Variants in DUOX1 observed in about 807,000 individuals in gnomAD.
DUOX1 encodes the protein NADPH thyroid oxidase 1.
A neutral mutation model predicts 181.8 loss-of-function variants in DUOX1; 134 were observed. The observed-to-expected ratio is 0.74, with a 90% confidence interval of 0.64 to 0.85. The LOEUF is 0.85. Ranked by LOEUF, DUOX1 falls within the 40% of genes least tolerant of loss-of-function variation. The pLI, the probability that DUOX1 is intolerant of heterozygous loss-of-function variation, is 0.00. For missense variants in DUOX1, 1,814 were observed against 2,064.4 expected (o/e 0.88, Z 2.35); for synonymous variants, 798 against 832.5 (o/e 0.96, Z 0.71).
At position 45,134,245 on chromosome 15, in the gene DUOX1, C is replaced by T. The variant is rs1567007120; in HGVS notation, c.243C>T (p.Thr81=). The change falls in exon 4 of 34, where the codon ACC becomes ACT. Residue 81 remains threonine (T), a synonymous_variant. Coordinates refer to ENST00000389037, the MANE Select transcript of DUOX1 (RefSeq NM_175940.3). ...HLPNPRDLSN[T]ISRGPAGLAS... Reference sequence around the variant, plus strand: ...CCAACCCCCGAGACCTTAGCAACACCATCTCAAGGGGCCCTGCAGGGCTGG... The same window carrying T: ...CCAACCCCCGAGACCTTAGCAACACTATCTCAAGGGGCCCTGCAGGGCTGG... 1.9e-6 allele frequency: 3 copies of T among 1,590,728 alleles called. No homozygotes were observed. Among genetic ancestry groups the T allele is most frequent in the South Asian group, 2.3e-5 (2 of 88,374 alleles).
intron 9 of DUOX1, 29 bp downstream of exon 9, chr15:45,136,654 C>T: frequency 4.4e-6 from 7 of 1,608,630 alleles, no homozygotes; most frequent in Non-Finnish European, 6.0e-6. Context: ...GGTGTGTGTG[C>T]TGGGAGGGAT....
rs58522871 is a variant in DUOX1, at chr15:45,158,700, C to CAAA, written c.3703-2110_3703-2108dup. On this transcript the variant is annotated intron_variant, in intron 28 of 33. Coordinates refer to ENST00000389037, the MANE Select transcript of DUOX1 (RefSeq NM_175940.3). Reference sequence around the variant, plus strand: ...CTGGGTGACAGCGAGACTTCCATCTCAAAAAAAAAAAAAAAAAAAAAAAAA... The same window carrying CAAA: ...CTGGGTGACAGCGAGACTTCCATCTCAAAAAAAAAAAAAAAAAAAAAAAAAAAA... Among the ~76,000 whole-genome samples the CAAA allele has an allele frequency of 6.4e-5, 3 of 47,040 alleles. 1 individual carries two copies. Among genetic ancestry groups the CAAA allele is most frequent in the African/African-American group, 3.0e-4 (3 of 9,958 alleles). The allele number at this position is 47,040 out of a possible 152,430, so 30.9% of individuals were successfully genotyped here.
rs1375890484 is a variant in DUOX1 at position 45,141,329 on chromosome 15, A to G, written c.1603A>G (p.Thr535Ala). 6.2e-7 allele frequency: 1 copy of G among 1,614,142 alleles called. No homozygotes were observed. Among genetic ancestry groups the G allele is most frequent in the Admixed American group, 1.7e-5 (1 of 60,012 alleles). ...SKKEIEEIRN[T>A]TLQDVLVAVI... ...GAAGGAGATTGAAGAAATCCGAAAT[A>G]CCACCCTGCAGGACGTGCTGGTCGC... The change falls in exon 14 of 34, where the codon ACC (threonine) becomes GCC (alanine). Residue 535 changes from threonine (T) to alanine (A), a missense_variant. Coordinates refer to ENST00000389037, the MANE Select transcript of DUOX1 (RefSeq NM_175940.3).
chr15:45,148,432 C>A lies in DUOX1; in HGVS notation c.2803C>A (p.Gln935Lys), dbSNP rs914897165. The A allele has an allele frequency of 6.2e-7, 1 of 1,613,036 alleles. No individual in the cohort carries two copies. The highest frequency in any genetic ancestry group is 8.5e-7 in the Non-Finnish European group (1 of 1,179,282). The change falls in exon 21 of 34, where the codon CAG (glutamine) becomes AAG (lysine). Residue 935 changes from glutamine to lysine, a missense_variant. By Grantham distance (53) the Gln-to-Lys change is moderately conservative (BLOSUM62 1). Transcript: ENST00000389037. ...RDHNSELRFT[Q>K]LCVKGVEVPE... ...CCACAATAGCGAGCTCCGCTTCACG[C>A]AGCTCTGTGTCAAAGGTGGGGCAGC...
rs1464882141 is a variant in DUOX1, at chr15:45,148,437, CTG to C, written c.2812_2813del (p.Val938GlnfsTer7). ...ATAGCGAGCTCCGCTTCACGCAGCT[CTG>C]TGTCAAAGGTGGGGCAGCCTGGTAG... ...HNSELRFTQL[C>X]VKGVEVPEVI... is the part of the protein sequence containing the mutation. On this transcript the variant is annotated frameshift_variant, in exon 21 of 34. Transcript: ENST00000389037. LOFTEE classifies it high-confidence loss of function. 1 of 1,612,300 alleles carries C rather than the reference CTG, an allele frequency of 6.2e-7. No homozygotes were observed. Among genetic ancestry groups the C allele is most frequent in the South Asian group, 1.1e-5 (1 of 90,898 alleles).
chr15:45,141,668 G>T (rs1896494767), intron 14 of DUOX1, among the ~76,000 whole-genome samples: 1 of 152,116 alleles, frequency 6.6e-6, no homozygotes, highest in Non-Finnish European at 1.5e-5. Flanking sequence ...TTCACATTCG[G>T]CTGAGATGGA....
chr15:45,142,321 T>C (rs1424005691), intron 15 of DUOX1, among the ~76,000 whole-genome samples: 1 of 152,186 alleles, frequency 6.6e-6, no homozygotes, highest in Non-Finnish European at 1.5e-5. Context: ...CCTGTTTTCC[T>C]GGGACTGCCC....
Position 45,151,815 on chromosome 15 carries a change from G to A in DUOX1, c.3015-59G>A, listed in dbSNP as rs1199927800. The A allele has an allele frequency of 2.6e-6, 4 of 1,548,128 alleles. No homozygotes were observed. In the African/African-American group the frequency reaches 5.5e-5, roughly 21 times the overall value. On this transcript the variant is annotated intron_variant, in intron 23 of 33. Transcript: ENST00000389037. ...GGGCGGCTCACCTCCGTGAAGTGGG[G>A]CCCCACTAGCGTTGGGTCCCATGGT...
Position 45,141,984 on chromosome 15 carries a change from G to A in DUOX1, c.1694G>A (p.Cys565Tyr). The A allele has an allele frequency of 6.2e-7, 1 of 1,611,744 alleles. No individual in the cohort carries two copies. Among genetic ancestry groups the A allele is most frequent in the Non-Finnish European group, 8.5e-7 (1 of 1,179,198 alleles). Reference protein sequence around the residue: ...NVFVWHKGDPCPQPRQLSTEG... With the variant: ...NVFVWHKGDPYPQPRQLSTEG... ...TCCTCTGCCTTCCCAGGAGACCCCTGTCCGCAGCCGAGACAGCTCAGCACT... is the reference window on the plus strand; with the variant it reads ...TCCTCTGCCTTCCCAGGAGACCCCTATCCGCAGCCGAGACAGCTCAGCACT... The change falls in exon 15 of 34, where the codon TGT becomes TAT. Residue 565 changes from cysteine to tyrosine, a missense_variant. Cys to Tyr is a radical substitution (Grantham distance 194, BLOSUM62 -2). Coordinates refer to ENST00000389037, the MANE Select transcript of DUOX1 (RefSeq NM_175940.3).
intron 5 of DUOX1, 82 bp downstream of exon 5, chr15:45,135,373 G>T (rs1216413137): frequency 1.9e-5 from 28 of 1,498,550 alleles, no homozygotes; most frequent in Non-Finnish European, 2.4e-5. Flanking sequence ...GCCTGGAGGG[G>T]AGAGGCGCCC....
chr15:45,140,069 A>C, intron 12 of DUOX1: 1 of 1,371,164 alleles, frequency 7.3e-7, no homozygotes, highest in Non-Finnish European at 9.8e-7. Flanking sequence ...GTGTTCTCAA[A>C]CCAGTAGCGG....
Position 45,145,005 on chromosome 15 carries a change from G to A in DUOX1, c.2247G>A (p.Glu749=). The A allele has an allele frequency of 1.2e-6, 2 of 1,614,182 alleles. No individual in the cohort carries two copies. Among genetic ancestry groups the A allele is most frequent in the Non-Finnish European group, 1.7e-6 (2 of 1,180,018 alleles). ...AGGAGTGGGAGCTGCGGGAGCAGGA[G>A]CTGATGAGAGCAGCTGTGACACGGG... ...SIQEWELREQ[E]LMRAAVTREQ... is the part of the protein sequence containing the mutation. Residue 749 remains glutamate (E), a synonymous_variant, in exon 18 of 34, where the codon GAG becomes GAA. Transcript: ENST00000389037.
At chr15:45,138,457 G>C (rs913925442) in intron 10 of DUOX1, among the ~76,000 whole-genome samples, 1 of 152,200 alleles carries the variant, frequency 6.6e-6, no homozygotes, top group Non-Finnish European at 1.5e-5. Context: ...ATGTGTGAGG[G>C]GGGTGGGGAG....
At chr15:45,148,642 T>C (rs1896724104) in intron 21 of DUOX1, 195 bp downstream of exon 21, 3 of 389,584 alleles carry the variant, frequency 7.7e-6, no homozygotes, top group Non-Finnish European at 1.2e-5. Flanking sequence ...TACAATATAA[T>C]TTTAAAATAT....
intron 33 of DUOX1, among the ~76,000 whole-genome samples, chr15:45,164,249 G>A (rs932046584): frequency 6.6e-6 from 1 of 152,130 alleles, no homozygotes; most frequent in African/African-American, 2.4e-5. Flanking sequence ...TGGACACTGA[G>A]GGAACCTTTA....
chr15:45,135,404 C>T (rs1896275417), intron 5 of DUOX1, 70 bp from the exon 6 acceptor site: 2 of 1,506,752 alleles, frequency 1.3e-6, no homozygotes, highest in Non-Finnish European at 1.8e-6. Context: ...CGCGGACACC[C>T]GCCGGGCCCC....
Position 45,141,292 on chromosome 15 carries a change from G to A in DUOX1, c.1566G>A (p.Gly522=), listed in dbSNP as rs1210081498. ...GTGACTTCTACTTACTCCAACTTAG[G>A]CTGTTCTCCAAGAAGGAGATTGAAG... ...DRYWFENTRN[G]LFSKKEIEEI... is the part of the protein sequence containing the mutation. Residue 522 remains glycine, a splice_region_variant and synonymous_variant, in exon 14 of 34, where the codon GGG becomes GGA. Coordinates refer to ENST00000389037, the MANE Select transcript of DUOX1 (RefSeq NM_175940.3). 2 of 1,613,998 alleles carry A rather than the reference G, an allele frequency of 1.2e-6. No homozygotes were observed. Among genetic ancestry groups the A allele is most frequent in the South Asian group, 2.2e-5 (2 of 91,070 alleles).
rs1337410047 is a variant in DUOX1 at position 45,161,793 on chromosome 15, G to A, written c.3912G>A (p.Gln1304=). 1 of 1,614,048 alleles carries A rather than the reference G, an allele frequency of 6.2e-7. No individual in the cohort carries two copies. The highest frequency in any genetic ancestry group is 8.5e-7 in the Non-Finnish European group (1 of 1,179,994). ...RPQGFEYKSG[Q]WVRIACLALG... is the part of the protein sequence containing the mutation. ...AGGGCTTTGAGTACAAGTCAGGGCAGTGGGTGCGGATCGCTTGCCTGGCTC... is the reference window on the plus strand; with the variant it reads ...AGGGCTTTGAGTACAAGTCAGGGCAATGGGTGCGGATCGCTTGCCTGGCTC... The change falls in exon 30 of 34, where the codon CAG becomes CAA. Residue 1304 remains glutamine (Q), a synonymous_variant. Coordinates refer to ENST00000389037, the MANE Select transcript of DUOX1 (RefSeq NM_175940.3).
intron 28 of DUOX1, among the ~76,000 whole-genome samples, chr15:45,159,897 G>C (rs7182508): frequency 0.18 from 27,266 of 152,134 alleles, 2,950 homozygotes; most frequent in East Asian, 0.42. Context: ...GCTCACACCT[G>C]TAATCTCAGC....
Sources: allele counts gnomAD v4.1 joint callset (sites outside exome capture counted in the v4.1 genomes callset), GRCh38; gene constraint gnomAD v4.1.1; transcripts MANE v1.5; gene names NCBI Gene and HGNC (gene_info 2026-07-23, HGNC 2026-07-21).